Variants in DPP6 observed in about 807,000 individuals in gnomAD.
DPP6 encodes the protein dipeptidyl peptidase like 6.
A neutral mutation model predicts 122.6 loss-of-function variants in DPP6; 69 were observed. That is an observed-to-expected ratio of 0.56 (90% CI 0.46 to 0.69). DPP6 has a LOEUF of 0.69. Ranked by LOEUF, DPP6 falls within the 30% of genes least tolerant of loss-of-function variation. DPP6 has a pLI of 0.00. For synonymous variants in DPP6, 418 were observed against 433.1 expected (o/e 0.97, Z 0.43); for missense variants, 928 against 1,116.9 (o/e 0.83, Z 2.41).
Position 154,853,678 on chromosome 7 carries a change from C to T in DPP6, c.1667-102C>T. The T allele has an allele frequency of 5.3e-6, 8 of 1,504,368 alleles. No homozygotes were observed. The South Asian group carries it at 7.9e-5, about 15-fold the overall frequency. The allele number at this position is 1,504,368 out of a possible 1,614,324, so 93.2% of individuals were successfully genotyped here. On this transcript the variant is annotated intron_variant, in intron 16 of 25. Transcript: ENST00000377770. Reference sequence around the variant, plus strand: ...ATGAATTCGGGTTCTCCAGGCTCCGCACGTCTATCTACGTGGCATAAGAAA... The same window carrying T: ...ATGAATTCGGGTTCTCCAGGCTCCGTACGTCTATCTACGTGGCATAAGAAA...
chr7:154,083,676 A>T (rs2150533639), intron 1 of DPP6, among the ~76,000 whole-genome samples: 1 of 145,868 alleles, frequency 6.9e-6, no homozygotes, highest in Non-Finnish European at 1.5e-5. Flanking sequence ...GAGAACAGGG[A>T]TCTCATGTTT....
At chr7:154,750,472 T>G (rs1380218626) in intron 8 of DPP6, among the ~76,000 whole-genome samples, 2 of 152,190 alleles carry the variant, frequency 1.3e-5, no homozygotes, top group African/African-American at 4.8e-5. Flanking sequence ...GAAAGAAACT[T>G]AGCCAGGCAC....
intron 5 of DPP6, among the ~76,000 whole-genome samples, chr7:154,568,619 C>T (rs1830918665): frequency 6.6e-6 from 1 of 152,228 alleles, no homozygotes; most frequent in South Asian, 2.1e-4. Flanking sequence ...TGGAAGAGTG[C>T]CCTGGGATCC....
At chr7:154,309,816 T>A (rs535108023) in intron 1 of DPP6, among the ~76,000 whole-genome samples, 2 of 152,176 alleles carry the variant, frequency 1.3e-5, no homozygotes, top group Non-Finnish European at 2.9e-5. Context: ...CCTTTTGCAG[T>A]TCAAAAAGGG....
At chr7:153,953,190 T>C (rs1295652699) in intron 1 of DPP6, among the ~76,000 whole-genome samples, 1 of 152,192 alleles carries the variant, frequency 6.6e-6, no homozygotes, top group African/African-American at 2.4e-5. Context: ...AAAACACTTT[T>C]TTAAAATCTT....
intron 1 of DPP6, among the ~76,000 whole-genome samples, chr7:154,207,125 G>T (rs935542626): frequency 9.5e-6 from 1 of 105,184 alleles, no homozygotes; most frequent in African/African-American, 2.6e-5. Context: ...GAATATTGTT[G>T]TTGGCAAAGC....
At chr7:154,107,432 G>C (rs966106227) in intron 1 of DPP6, among the ~76,000 whole-genome samples, 5 of 152,110 alleles carry the variant, frequency 3.3e-5, no homozygotes, top group African/African-American at 1.2e-4. Context: ...GGGGTGGGTT[G>C]GGGAGATGTT....
chr7:153,950,462 A>G (rs1048633118), intron 1 of DPP6, among the ~76,000 whole-genome samples: 2 of 152,214 alleles, frequency 1.3e-5, no homozygotes, highest in African/African-American at 4.8e-5. Flanking sequence ...CATAAGTCTC[A>G]GCAGGGGACT....
chr7:153,936,244 A>G (rs1417875121), intron 1 of DPP6, among the ~76,000 whole-genome samples: 1 of 99,772 alleles, frequency 1.0e-5, no homozygotes, highest in Non-Finnish European at 2.1e-5. Flanking sequence ...CAAGCAGGGC[A>G]GTGATGCAGA....
intron 5 of DPP6, among the ~76,000 whole-genome samples, chr7:154,623,564 C>T (rs77678301): frequency 0.16 from 18,252 of 116,222 alleles, 1,089 homozygotes; most frequent in African/African-American, 0.18. Flanking sequence ...ACACGCAACA[C>T]GCACACACAC....
chr7:154,138,853 A>G (rs1007876603), intron 1 of DPP6, among the ~76,000 whole-genome samples: 4 of 152,100 alleles, frequency 2.6e-5, no homozygotes, highest in Non-Finnish European at 4.4e-5. Flanking sequence ...CAGATGACCA[A>G]AGTGAAGCTT....
intron 1 of DPP6, among the ~76,000 whole-genome samples, chr7:154,292,067 G>A (rs1216065388): frequency 1.3e-5 from 2 of 152,036 alleles, no homozygotes; most frequent in Admixed American, 6.6e-5. Flanking sequence ...CCTGGATCTC[G>A]TCAATTTAGT....
chr7:154,810,980 C>T (rs1281330657), intron 16 of DPP6, among the ~76,000 whole-genome samples: 3 of 152,200 alleles, frequency 2.0e-5, no homozygotes, highest in Non-Finnish European at 1.5e-5. Flanking sequence ...AGAAACTGAA[C>T]TCTTAGTCAT....
At chr7:154,094,263 CA>C (rs1482379673) in intron 1 of DPP6, 1 of 152,078 alleles carries the variant, frequency 6.6e-6, no homozygotes, top group East Asian at 1.9e-4. Flanking sequence ...ATTGAAAGGT[CA>C]GGGGACGTTC....
chr7:154,451,002 C>T (rs142056343), intron 2 of DPP6, among the ~76,000 whole-genome samples: 31 of 152,214 alleles, frequency 2.0e-4, no homozygotes, highest in African/African-American at 6.7e-4. Flanking sequence ...TGCAGTTACT[C>T]CCACCTTCCA....
chr7:154,678,297 C>G (rs1213591962), intron 7 of DPP6, among the ~76,000 whole-genome samples: 1 of 152,212 alleles, frequency 6.6e-6, no homozygotes, highest in Non-Finnish European at 1.5e-5. Flanking sequence ...TCCTTCTTCA[C>G]AATAAATCTT....
chr7:154,143,852 T>C lies in DPP6; in HGVS notation c.243+90789T>C, dbSNP rs528382692. On this transcript the variant is annotated intron_variant, in intron 1 of 25. Coordinates refer to ENST00000377770, the MANE Select transcript of DPP6 (RefSeq NM_130797.4). ...CTCCAATTATACGCAATAGCACATATACCTTTGTGCCGTTTTTTGTACATA... is the reference window on the plus strand; with the variant it reads ...CTCCAATTATACGCAATAGCACATACACCTTTGTGCCGTTTTTTGTACATA... Among the ~76,000 whole-genome samples, 1,378 of 149,838 alleles carry C rather than the reference T, an allele frequency of 9.2e-3. 12 individuals carry two copies. Among genetic ancestry groups the C allele is most frequent in the African/African-American group, 0.032 (1,281 of 39,488 alleles).
intron 1 of DPP6, among the ~76,000 whole-genome samples, chr7:154,232,464 C>T (rs1427932904): frequency 1.3e-5 from 2 of 152,156 alleles, no homozygotes; most frequent in Non-Finnish European, 2.9e-5. Flanking sequence ...ACCATCAGAA[C>T]AAGAAACTCT....
At chr7:153,788,154 G>A in the DPP6 span, among the ~76,000 whole-genome samples, 1 of 152,188 alleles carries the variant, frequency 6.6e-6, no homozygotes, top group Admixed American at 6.6e-5. Context: ...TATAGTCAAT[G>A]ACTGTATTAA....
Sources: gnomAD v4.1 joint callset for allele counts (sites outside exome capture counted in the v4.1 genomes callset) on GRCh38, gnomAD v4.1.1 for gene constraint, MANE v1.5 for transcripts, NCBI Gene and HGNC (gene_info 2026-07-23, HGNC 2026-07-21) for gene names.